Variants in ZHX2 observed in about 807,000 individuals in gnomAD.
The protein encoded by ZHX2 is zinc fingers and homeoboxes 2.
A neutral mutation model predicts 21.9 loss-of-function variants in ZHX2; 6 were observed. The observed-to-expected ratio is 0.27, with a 90% CI of 0.15 to 0.54. ZHX2 has a LOEUF of 0.54. ZHX2 is among the 20% of genes least tolerant of loss of function. The pLI, the probability that ZHX2 is intolerant of heterozygous loss-of-function variation, is 0.95. For missense variants in ZHX2, 908 were observed against 1,090.7 expected (o/e 0.83, Z 2.36); for synonymous variants, 434 against 437.1 (o/e 0.99, Z 0.09).
chr8:122,886,941 G>T (rs78359678), intron 2 of ZHX2, among the ~76,000 whole-genome samples: 74 of 152,208 alleles, frequency 4.9e-4, no homozygotes, highest in African/African-American at 1.7e-3. Context: ...GGAAATGGAG[G>T]CTCAGATAGG....
At chr8:122,859,107 G>C (rs1819103251) in intron 1 of ZHX2, among the ~76,000 whole-genome samples, 6 of 152,232 alleles carry the variant, frequency 3.9e-5, no homozygotes, top group Admixed American at 3.9e-4. Context: ...GAAGAGAAGT[G>C]ATTGGCATAA....
chr8:122,832,586 T>C (rs903006172), intron 1 of ZHX2, among the ~76,000 whole-genome samples: 2 of 152,180 alleles, frequency 1.3e-5, no homozygotes, highest in Non-Finnish European at 2.9e-5. Flanking sequence ...GGGAATAGGC[T>C]GTGCAGGGTT....
intron 2 of ZHX2, among the ~76,000 whole-genome samples, chr8:122,924,293 C>T (rs1820803068): frequency 6.6e-6 from 1 of 152,160 alleles, no homozygotes; most frequent in Admixed American, 6.5e-5. Flanking sequence ...ATACGGCCAT[C>T]TTCTCTCAGT....
chr8:122,863,927 C>T (rs1243197127), intron 2 of ZHX2, among the ~76,000 whole-genome samples: 3 of 151,972 alleles, frequency 2.0e-5, no homozygotes, highest in Non-Finnish European at 4.4e-5. Context: ...ACCATGGCCC[C>T]GAGGAGACAG....
intron 1 of ZHX2, among the ~76,000 whole-genome samples, chr8:122,833,189 A>G (rs73331789): frequency 0.088 from 13,395 of 152,244 alleles, 640 homozygotes; most frequent in South Asian, 0.15. Flanking sequence ...GGAATCGTGA[A>G]AAGTAAAGTA....
chr8:122,800,720 G>C (rs187510446), intron 1 of ZHX2, among the ~76,000 whole-genome samples: 194 of 152,260 alleles, frequency 1.3e-3, no homozygotes, highest in African/African-American at 4.4e-3. Context: ...GAATAGCTGT[G>C]GTCACTGAAA....
chr8:122,900,902 A>G (rs553155511), intron 2 of ZHX2, among the ~76,000 whole-genome samples: 58 of 152,340 alleles, frequency 3.8e-4, no homozygotes, highest in Non-Finnish European at 6.8e-4. Flanking sequence ...CTCCTGGCAC[A>G]CTGCAGTTGC....
chr8:122,908,412 G>A (rs868543183), intron 2 of ZHX2, among the ~76,000 whole-genome samples: 11 of 152,056 alleles, frequency 7.2e-5, no homozygotes, highest in African/African-American at 2.7e-4. Flanking sequence ...GTTTCACCAT[G>A]TTGGCCAGGC....
chr8:122,942,229 T>C (rs1812863774), intron 2 of ZHX2, among the ~76,000 whole-genome samples: 1 of 151,986 alleles, frequency 6.6e-6, no homozygotes, highest in African/African-American at 2.4e-5. Context: ...GGGGGTGTCA[T>C]GTTGTGATTT....
chr8:122,953,551 T>TG lies in ZHX2; in HGVS notation c.2042dup (p.Cys681TrpfsTer22). The stretch of plus-strand genomic sequence containing the variant: ...TGTGCGTTGGTTCAAGGAGAACAGA[T>TG]GCTTGCTGAAAACGGGAACCGTGAA... On this transcript the variant is annotated frameshift_variant, in exon 3 of 4. Transcript: ENST00000314393. LOFTEE classifies it low-confidence loss of function (END_TRUNC). This position sits in a 1 kb window ranked among gnomAD's most constrained non-coding sequence, Gnocchi z 4.6. 6.2e-7 allele frequency: 1 copy of TG among 1,614,220 alleles called. No individual in the cohort carries two copies. Among genetic ancestry groups the TG allele is most frequent in the Non-Finnish European group, 8.5e-7 (1 of 1,180,036 alleles).
At chr8:122,820,033 A>G (rs1286654476) in intron 1 of ZHX2, among the ~76,000 whole-genome samples, 1 of 151,914 alleles carries the variant, frequency 6.6e-6, no homozygotes, top group Non-Finnish European at 1.5e-5. Flanking sequence ...ACTGCCATGG[A>G]CCTCAGTCAC....
intron 1 of ZHX2, among the ~76,000 whole-genome samples, chr8:122,836,681 CTCTT>C (rs918509908): frequency 6.6e-6 from 1 of 152,232 alleles, no homozygotes; most frequent in Non-Finnish European, 1.5e-5. Flanking sequence ...CCTGGATGGC[CTCTT>C]TCTTGATCTT....
intron 2 of ZHX2, among the ~76,000 whole-genome samples, chr8:122,878,704 T>C (rs1201725313): frequency 1.3e-5 from 2 of 152,060 alleles, no homozygotes; most frequent in Non-Finnish European, 2.9e-5. Context: ...CAAGGTGACA[T>C]GTCAAAAGGC....
chr8:122,863,115 G>T (rs1819206185), intron 1 of ZHX2, among the ~76,000 whole-genome samples: 1 of 152,074 alleles, frequency 6.6e-6, no homozygotes, highest in African/African-American at 2.4e-5. Context: ...CAACCATGAA[G>T]GGCCGCTGCC....
At chr8:122,865,136 T>G (rs1009212300) in intron 2 of ZHX2, among the ~76,000 whole-genome samples, 57 of 151,532 alleles carry the variant, frequency 3.8e-4, no homozygotes, top group Non-Finnish European at 7.5e-4. Flanking sequence ...CAAGTCTTTT[T>G]TTTTTTTTTG....
At chr8:122,971,948 G>A (rs55648301) in intron 3 of ZHX2, among the ~76,000 whole-genome samples, 5,518 of 152,308 alleles carry the variant, frequency 0.036, 331 homozygotes, top group African/African-American at 0.13. Context: ...CAGGGAGTCT[G>A]TGATGGTTGC....
Position 122,953,374 on chromosome 8 carries a change from T to C in ZHX2, c.1864T>C (p.Leu622=). ...SRLDQLSGAQ[L]TSSLPSPSPA... is the part of the protein sequence containing the mutation. Reference sequence around the variant, plus strand: ...ACTCGACCAGCTCTCCGGTGCCCAGTTAACAAGTTCTCTGCCCAGCCCTTC... The same window carrying C: ...ACTCGACCAGCTCTCCGGTGCCCAGCTAACAAGTTCTCTGCCCAGCCCTTC... The change falls in exon 3 of 4, where the codon TTA becomes CTA. Residue 622 remains leucine, a synonymous_variant. Transcript: ENST00000314393. This position sits in a 1 kb window ranked among gnomAD's most constrained non-coding sequence, Gnocchi z 4.6. 6.2e-7 allele frequency: 1 copy of C among 1,614,096 alleles called. No homozygotes were observed. Among genetic ancestry groups the C allele is most frequent in the Non-Finnish European group, 8.5e-7 (1 of 1,180,030 alleles).
At chr8:122,837,339 A>T (rs192787590) in intron 1 of ZHX2, among the ~76,000 whole-genome samples, 1 of 152,236 alleles carries the variant, frequency 6.6e-6, no homozygotes, top group East Asian at 1.9e-4. Flanking sequence ...TGTATTACTG[A>T]CCATCAAAGG....
chr8:122,925,520 T>C (rs79957111), intron 2 of ZHX2, among the ~76,000 whole-genome samples: 3,991 of 152,256 alleles, frequency 0.026, 152 homozygotes, highest in African/African-American at 0.092. Flanking sequence ...CCGTGTTCTC[T>C]TTGAGTAGAG....
Sources: gnomAD v4.1 joint callset for allele counts (sites outside exome capture counted in the v4.1 genomes callset) on GRCh38, gnomAD v4.1.1 for gene constraint, Gnocchi (gnomAD v3.1) non-coding constraint, MANE v1.5 for transcripts, NCBI Gene and HGNC (gene_info 2026-07-23, HGNC 2026-07-21) for gene names.